The following NSMCE2 variants were observed in gnomAD, a reference collection of about 807,000 sequenced individuals.
NSMCE2 encodes the protein NSE2 SUMO ligase component of SMC5/6 complex.
A neutral mutation model predicts 23.8 loss-of-function variants in NSMCE2; 24 were observed. That is an observed-to-expected ratio of 1.01 (90% CI 0.73 to 1.42). The LOEUF (loss-of-function observed/expected upper bound fraction) is 1.42. Ranked by LOEUF, NSMCE2 falls within the 40% of genes most tolerant of loss-of-function variation. The pLI, the probability that NSMCE2 is intolerant of heterozygous loss-of-function variation, is 0.00. For missense variants in NSMCE2, 284 were observed against 296.5 expected (o/e 0.96, Z 0.31); for synonymous variants, 92 against 94.1 (o/e 0.98, Z 0.13).
At chr8:125,261,718 T>C (rs1325006622) in intron 5 of NSMCE2, among the ~76,000 whole-genome samples, 2 of 151,718 alleles carry the variant, frequency 1.3e-5, no homozygotes, top group Non-Finnish European at 2.9e-5. Flanking sequence ...ATATCCACTT[T>C]GGTTAAAAGC....
intron 5 of NSMCE2, among the ~76,000 whole-genome samples, chr8:125,226,889 C>G (rs1196852962): frequency 6.6e-6 from 1 of 152,054 alleles, no homozygotes; most frequent in Non-Finnish European, 1.5e-5. Flanking sequence ...CATGGCACTG[C>G]TCTCCAAAAC....
intron 5 of NSMCE2, among the ~76,000 whole-genome samples, chr8:125,209,411 C>T (rs1024278635): frequency 3.4e-5 from 5 of 147,426 alleles, no homozygotes; most frequent in Non-Finnish European, 6.2e-5. Flanking sequence ...CTAAATTTGA[C>T]AGGTAAATTT....
At chr8:125,302,796 C>T (rs1384036184) in intron 5 of NSMCE2, among the ~76,000 whole-genome samples, 1 of 152,046 alleles carries the variant, frequency 6.6e-6, no homozygotes, top group Non-Finnish European at 1.5e-5. Flanking sequence ...CATGTGTTTG[C>T]CATCACATTG....
chr8:125,207,768 C>T (rs147695573), intron 5 of NSMCE2, among the ~76,000 whole-genome samples: 2 of 152,210 alleles, frequency 1.3e-5, no homozygotes, highest in Admixed American at 6.5e-5. Flanking sequence ...GGAGCTTCTG[C>T]GCCTAGAATG....
chr8:125,242,596 GGAAAGTAAACAGAGGGCCCTCT>G (rs1825804048), intron 5 of NSMCE2, among the ~76,000 whole-genome samples: 1 of 152,010 alleles, frequency 6.6e-6, no homozygotes, highest in Non-Finnish European at 1.5e-5. Context: ...GACCCTGCCT[GGAAAGTAAACAGAGGGCCCTCT>G]GACCAGTGCT....
intron 5 of NSMCE2, among the ~76,000 whole-genome samples, chr8:125,211,434 C>T (rs1824339333): frequency 6.6e-6 from 1 of 152,172 alleles, no homozygotes; most frequent in Non-Finnish European, 1.5e-5. Context: ...GTACATATAG[C>T]ACTGCCTCAC....
intron 5 of NSMCE2, among the ~76,000 whole-genome samples, chr8:125,326,046 A>G (rs1382632054): frequency 3.3e-5 from 5 of 152,172 alleles, no homozygotes; most frequent in Non-Finnish European, 7.4e-5. Flanking sequence ...TCACGAGGTC[A>G]GGAGATCGAG....
intron 5 of NSMCE2, among the ~76,000 whole-genome samples, chr8:125,337,707 C>T (rs996120179): frequency 1.1e-4 from 16 of 151,894 alleles, no homozygotes; most frequent in African/African-American, 3.9e-4. Context: ...CCAGCCTGAC[C>T]AACATGGAGA....
rs571822060 is a variant in NSMCE2 at position 125,328,719 on chromosome 8, C to G, written c.419-28500C>G. Among the ~76,000 whole-genome samples, 11 of 152,330 alleles carry G rather than the reference C, an allele frequency of 7.2e-5. No individual in the cohort carries two copies. The South Asian group carries it at 1.2e-3, about 17-fold the overall frequency. ...TTGCTATCTATCATCGGTGTTTCATCAGAAACAGTAGCAACCTTTTCATTC... is the reference window on the plus strand; with the variant it reads ...TTGCTATCTATCATCGGTGTTTCATGAGAAACAGTAGCAACCTTTTCATTC... On this transcript the variant is annotated intron_variant, in intron 5 of 7. Coordinates refer to ENST00000287437, the MANE Select transcript of NSMCE2 (RefSeq NM_173685.4).
At chr8:125,156,277 TAAAA>T (rs572981601) in intron 4 of NSMCE2, 3 of 157,190 alleles carry the variant, frequency 1.9e-5, no homozygotes, top group Admixed American at 6.2e-5. Flanking sequence ...TTCAAAAAGA[TAAAA>T]AAAAAAGAAT....
At chr8:125,136,710 T>G (rs1820086747) in intron 3 of NSMCE2, among the ~76,000 whole-genome samples, 1 of 152,170 alleles carries the variant, frequency 6.6e-6, no homozygotes, top group Non-Finnish European at 1.5e-5. Flanking sequence ...AGTAGTTTAC[T>G]TCACTCAACA....
chr8:125,235,104 G>A (rs1388215033), intron 5 of NSMCE2, among the ~76,000 whole-genome samples: 1 of 152,094 alleles, frequency 6.6e-6, no homozygotes, highest in Non-Finnish European at 1.5e-5. Context: ...AAATTGGTGT[G>A]TTGGCACACG....
Position 125,253,964 on chromosome 8 carries a change from C to G in NSMCE2, c.418+71708C>G, listed in dbSNP as rs1483123789. Among the ~76,000 whole-genome samples the G allele has an allele frequency of 2.0e-5, 3 of 152,058 alleles. No homozygotes were observed. In the East Asian group the frequency reaches 5.8e-4, roughly 29 times the overall value. On this transcript the variant is annotated intron_variant, in intron 5 of 7. Transcript: ENST00000287437. ...TCATGACTTCTCCTATAAGATTATC[C>G]TAGTGTTCAGGATGCTTCTCAAAAG... is the stretch of plus-strand genomic sequence containing the variant.
At chr8:125,211,694 C>A (rs568306264) in intron 5 of NSMCE2, among the ~76,000 whole-genome samples, 1 of 152,268 alleles carries the variant, frequency 6.6e-6, no homozygotes, top group African/African-American at 2.4e-5. Flanking sequence ...TAATCTACAA[C>A]CCCATCAACA....
At chr8:125,258,770 C>G (rs1362787292) in intron 5 of NSMCE2, among the ~76,000 whole-genome samples, 2 of 152,090 alleles carry the variant, frequency 1.3e-5, no homozygotes, top group East Asian at 3.9e-4. Flanking sequence ...TGATTTGCTT[C>G]TTATTTAGTC....
At chr8:125,181,649 C>T (rs1157817618) in intron 4 of NSMCE2, among the ~76,000 whole-genome samples, 11 of 151,946 alleles carry the variant, frequency 7.2e-5, no homozygotes, top group Admixed American at 6.6e-4. Context: ...GGCTAAAGCC[C>T]CAGCCACTTT....
At chr8:125,292,099 C>T (rs1189153888) in intron 5 of NSMCE2, among the ~76,000 whole-genome samples, 1 of 151,940 alleles carries the variant, frequency 6.6e-6, no homozygotes. Context: ...ACAAGTACCA[C>T]ACCTACCTAC....
At chr8:125,193,237 C>G (rs181057217) in intron 5 of NSMCE2, among the ~76,000 whole-genome samples, 1 of 152,184 alleles carries the variant, frequency 6.6e-6, no homozygotes, top group East Asian at 1.9e-4. Context: ...TTAAAACCTC[C>G]AACTTATCAC....
intron 5 of NSMCE2, among the ~76,000 whole-genome samples, chr8:125,227,231 G>A (rs1825133650): frequency 6.6e-6 from 1 of 152,144 alleles, no homozygotes; most frequent in African/African-American, 2.4e-5. Flanking sequence ...GGCCTGCCAC[G>A]TCCCTGACAT....
Sources: allele counts gnomAD v4.1 joint callset (sites outside exome capture counted in the v4.1 genomes callset), GRCh38; gene constraint gnomAD v4.1.1; transcripts MANE v1.5; gene names NCBI Gene and HGNC (gene_info 2026-07-23, HGNC 2026-07-21).